The following PTPRU variants were observed in gnomAD, a reference collection of about 807,000 sequenced individuals.
The protein encoded by PTPRU is receptor-type tyrosine-protein phosphatase U.
A neutral mutation model predicts 166.3 loss-of-function variants in PTPRU; 69 were observed. The observed-to-expected ratio is 0.41, with a 90% CI of 0.34 to 0.51. The LOEUF (loss-of-function observed/expected upper bound fraction) is 0.51, where lower values mean the gene tolerates loss of function less well. PTPRU is among the 20% of genes least tolerant of loss of function. PTPRU has a pLI of 0.09. For synonymous variants in PTPRU, 793 were observed against 814.0 expected, an observed-to-expected ratio of 0.97 and a Z score of 0.44; for missense variants, 1,657 against 2,013.7, an observed-to-expected ratio of 0.82 and a Z score of 3.39.
chr1:29,304,015 C>G lies in PTPRU; in HGVS notation c.2637C>G (p.Ala879=), dbSNP rs138733986. 5.0e-6 allele frequency: 8 copies of G among 1,610,834 alleles called. No homozygotes were observed. Among genetic ancestry groups the G allele is most frequent in the Non-Finnish European group, 6.8e-6 (8 of 1,178,518 alleles). Residue 879 remains alanine, a synonymous_variant, in exon 16 of 30, where the codon GCC becomes GCG. Coordinates refer to ENST00000373779, the MANE Select transcript of PTPRU (RefSeq NM_133178.4). ...LLQHINQMKT[A]EGYGFKQEYE... ...AGCACATCAACCAGATGAAGACGGC[C>G]GAGGGTTACGGCTTCAAGCAGGAGT...
rs1297892966 is a variant in PTPRU, at chr1:29,326,222, CCCT to C, written c.*567_*569del. 8.5e-6 allele frequency: 2 copies of C among 236,360 alleles called. No individual in the cohort carries two copies. The highest frequency in any genetic ancestry group is 1.6e-5 in the Non-Finnish European group (2 of 123,192). The allele number at this position is 236,360 out of a possible 1,614,324, so 14.6% of individuals were successfully genotyped here. On this transcript the variant is annotated 3_prime_UTR_variant, in exon 30 of 30. Coordinates refer to ENST00000373779, the MANE Select transcript of PTPRU (RefSeq NM_133178.4). Reference sequence around the variant, plus strand: ...TGTCCTCCCCAGGGGAACTGCAGCGCCCTCCTCCCCACTGCCCCCTGCAGCCCC... The same window carrying C: ...TGTCCTCCCCAGGGGAACTGCAGCGCCCTCCCCACTGCCCCCTGCAGCCCC...
intron 15 of PTPRU, among the ~76,000 whole-genome samples, chr1:29,295,402 T>G (rs1029719743): frequency 6.6e-6 from 1 of 152,158 alleles, no homozygotes; most frequent in African/African-American, 2.4e-5. Flanking sequence ...AAAACTTTGT[T>G]GGATGGTTTT....
Position 29,237,987 on chromosome 1 carries a change from G to T in PTPRU, c.73+1270G>T, listed in dbSNP as rs1211744690. On this transcript the variant is annotated intron_variant, in intron 1 of 29. Coordinates refer to ENST00000373779, the MANE Select transcript of PTPRU (RefSeq NM_133178.4). This position sits in a 1 kb window ranked among gnomAD's most constrained non-coding sequence, Gnocchi z 6.4. Reference sequence around the variant, plus strand: ...TTGGCGCGCAGGACGCGCGGGGGACGCCCGGGCCTCCCGGGACACTCCCTT... The same window carrying T: ...TTGGCGCGCAGGACGCGCGGGGGACTCCCGGGCCTCCCGGGACACTCCCTT... Among the ~76,000 whole-genome samples the T allele has an allele frequency of 1.3e-5, 2 of 151,388 alleles. No homozygotes were observed. Among genetic ancestry groups the T allele is most frequent in the South Asian group, 2.1e-4 (1 of 4,818 alleles).
intron 8 of PTPRU, among the ~76,000 whole-genome samples, chr1:29,276,268 C>T (rs751373193): frequency 6.6e-6 from 1 of 151,650 alleles, no homozygotes; most frequent in Non-Finnish European, 1.5e-5. Context: ...GCGATCCTCC[C>T]ACCTCAGCCT....
At chr1:29,322,305 C>T (rs796860013) in intron 26 of PTPRU, among the ~76,000 whole-genome samples, 2 of 152,340 alleles carry the variant, frequency 1.3e-5, no homozygotes, top group African/African-American at 4.8e-5. Context: ...AGAAGAGACA[C>T]AGCCCCTCCC....
At chr1:29,277,905 G>A (rs1685889940) in intron 8 of PTPRU, among the ~76,000 whole-genome samples, 1 of 133,934 alleles carries the variant, frequency 7.5e-6, no homozygotes, top group Non-Finnish European at 1.5e-5. Flanking sequence ...TGCAACCTCT[G>A]CCTTCCTGGT....
chr1:29,290,868 C>T (rs1014957434), intron 14 of PTPRU, among the ~76,000 whole-genome samples: 74 of 152,216 alleles, frequency 4.9e-4, no homozygotes, highest in Admixed American at 4.1e-3. Flanking sequence ...TTCTGGGGAT[C>T]GGGTTGGTTT....
chr1:29,283,046 C>A, intron 12 of PTPRU, 97 bp downstream of exon 12: 1 of 1,503,792 alleles, frequency 6.6e-7, no homozygotes, highest in Non-Finnish European at 9.0e-7. Context: ...ACTCCAGGCC[C>A]GGCACTTCCC....
rs1687945829 is a variant in PTPRU, at chr1:29,317,373, TCA to T, written c.3514-373_3514-372del. Among the ~76,000 whole-genome samples, 1 of 152,108 alleles carries T rather than the reference TCA, an allele frequency of 6.6e-6. No homozygotes were observed. Among genetic ancestry groups the T allele is most frequent in the South Asian group, 2.1e-4 (1 of 4,826 alleles). On this transcript the variant is annotated intron_variant, in intron 24 of 29. Transcript: ENST00000373779. This position sits in a 1 kb window ranked among gnomAD's most constrained non-coding sequence, Gnocchi z 5.6. The stretch of plus-strand genomic sequence containing the variant: ...GGCACTGGTCAGCTAGTAAAGTTCC[TCA>T]CTGTGCCCGTGTGTGCCGAGCTCAG...
Position 29,304,048 on chromosome 1 carries a change from G to T in PTPRU, c.2667+3G>T. 6.3e-7 allele frequency: 1 copy of T among 1,598,926 alleles called. No individual in the cohort carries two copies. The highest frequency in any genetic ancestry group is 8.6e-7 in the Non-Finnish European group (1 of 1,169,216). On this transcript the variant is annotated splice_donor_region_variant and intron_variant, in intron 16 of 29. Coordinates refer to ENST00000373779, the MANE Select transcript of PTPRU (RefSeq NM_133178.4). ...ACGGCTTCAAGCAGGAGTATGAGGT[G>T]CACGCCGGCCCCGGGCCAGCAGGAT...
intron 22 of PTPRU, among the ~76,000 whole-genome samples, chr1:29,314,295 G>A (rs1258948912): frequency 6.6e-6 from 1 of 152,184 alleles, no homozygotes; most frequent in Non-Finnish European, 1.5e-5. Flanking sequence ...CTGTGTGAAC[G>A]TTCAGCTTTA....
At chr1:29,300,692 G>A (rs1687097104) in intron 15 of PTPRU, among the ~76,000 whole-genome samples, 1 of 152,218 alleles carries the variant, frequency 6.6e-6, no homozygotes. Context: ...GGAATCAATT[G>A]CTTTCAGACA....
chr1:29,275,387 C>T, intron 7 of PTPRU, 61 bp from the exon 8 acceptor site: 17 of 1,467,452 alleles, frequency 1.2e-5, no homozygotes, highest in Admixed American at 2.0e-5. Context: ...TCTCCCTGTT[C>T]TTCTTCCTCT....
At chr1:29,256,813 C>T (rs941328214) in intron 2 of PTPRU, among the ~76,000 whole-genome samples, 6 of 152,298 alleles carry the variant, frequency 3.9e-5, no homozygotes, top group East Asian at 3.9e-4. Context: ...TTGGAATTCA[C>T]CTCTTATAGT....
At chr1:29,304,174 C>G in intron 16 of PTPRU, 129 bp downstream of exon 16, 5 of 1,147,538 alleles carry the variant, frequency 4.4e-6, no homozygotes, top group Non-Finnish European at 6.0e-6. Flanking sequence ...GTTTCCAACT[C>G]AACCTTTTTG....
intron 15 of PTPRU, among the ~76,000 whole-genome samples, chr1:29,292,361 G>C (rs1686681090): frequency 6.6e-6 from 1 of 152,192 alleles, no homozygotes; most frequent in Non-Finnish European, 1.5e-5. Context: ...GGATACAGTG[G>C]CTGAGAGAGA....
chr1:29,307,466 G>A (rs1042190128), intron 18 of PTPRU, among the ~76,000 whole-genome samples: 2 of 152,218 alleles, frequency 1.3e-5, no homozygotes, highest in Non-Finnish European at 2.9e-5. Flanking sequence ...CCCTGGCTCC[G>A]CCATTCCCAA....
chr1:29,282,209 C>CTGAATGAA (rs141805058), intron 11 of PTPRU, among the ~76,000 whole-genome samples: 3 of 152,136 alleles, frequency 2.0e-5, no homozygotes, highest in South Asian at 2.1e-4. Context: ...TCATCTCTTT[C>CTGAATGAA]TGAATGAATG....
chr1:29,324,150 A>T (rs541773619), intron 28 of PTPRU, among the ~76,000 whole-genome samples: 13 of 152,086 alleles, frequency 8.5e-5, no homozygotes, highest in Non-Finnish European at 1.9e-4. Flanking sequence ...GACTTTTTCC[A>T]TCCATCCATC....
Sources: allele counts gnomAD v4.1 joint callset (sites outside exome capture counted in the v4.1 genomes callset), GRCh38; gene constraint gnomAD v4.1.1; non-coding constraint Gnocchi (gnomAD v3.1); transcripts MANE v1.5; gene names NCBI Gene and HGNC (gene_info 2026-07-23, HGNC 2026-07-21).